ABCB11: variants seen among roughly 807,000 people sequenced by gnomAD.
ABCB11 encodes ATP binding cassette subfamily B member 11.
A neutral mutation model predicts 148.0 loss-of-function variants in ABCB11; 95 were observed. That is an observed-to-expected ratio of 0.64 (90% confidence interval 0.54 to 0.76). The LOEUF (loss-of-function observed/expected upper bound fraction) is 0.76, where lower values mean the gene tolerates loss of function less well. Ranked by LOEUF, ABCB11 falls within the 30% of genes least tolerant of loss-of-function variation. The pLI, the probability that ABCB11 is intolerant of heterozygous loss-of-function variation, is 0.00. For synonymous variants in ABCB11, 591 were observed against 555.4 expected, an observed-to-expected ratio of 1.06 and a Z score of -0.90; for missense variants, 1,523 against 1,617.8, an observed-to-expected ratio of 0.94 and a Z score of 1.01.
intron 3 of ABCB11, among the ~76,000 whole-genome samples, chr2:169,015,479 T>C (rs1695325610): frequency 6.6e-6 from 1 of 152,140 alleles, no homozygotes; most frequent in Non-Finnish European, 1.5e-5. Flanking sequence ...CCCACTTGCC[T>C]GGCCTCTTGC....
At chr2:168,931,703 T>C (rs926213972) in intron 24 of ABCB11, among the ~76,000 whole-genome samples, 2 of 152,206 alleles carry the variant, frequency 1.3e-5, no homozygotes, top group African/African-American at 4.8e-5. Flanking sequence ...GTTAGGTAGA[T>C]CTCAGAGGAC....
At chr2:168,989,210 C>T (rs1694431626) in intron 9 of ABCB11, among the ~76,000 whole-genome samples, 1 of 152,102 alleles carries the variant, frequency 6.6e-6, no homozygotes, top group East Asian at 1.9e-4. Context: ...AGACCAATGT[C>T]ATAGAGCTTC....
In ABCB11 at chr2:168,923,268, A is replaced by G. The variant is rs1691152030; in HGVS notation, c.*354T>C. The G allele has an allele frequency of 6.3e-6, 2 of 319,896 alleles. No individual in the cohort carries two copies. Among genetic ancestry groups the G allele is most frequent in the South Asian group, 9.8e-5 (2 of 20,434 alleles). 19.8% of individuals were successfully genotyped at this position (319,896 alleles called of 1,614,324 possible). On this transcript the variant is annotated 3_prime_UTR_variant, in exon 28 of 28. Transcript: ENST00000650372. ...ACAGTTCTCTGCCCTTGAGGAGTTCAAAGTGTCACTTACTCCCTGATGTCT... is the reference window on the plus strand; with the variant it reads ...ACAGTTCTCTGCCCTTGAGGAGTTCGAAGTGTCACTTACTCCCTGATGTCT...
chr2:168,958,088 G>A lies in ABCB11; in HGVS notation c.2219C>T (p.Pro740Leu). Residue 740 changes from proline (P) to leucine (L), a missense_variant, in exon 19 of 28, where the codon CCA (proline) becomes CTA (leucine). Transcript: ENST00000650372. ...ACTGAATTTCAGAATCCTCCTAACT[G>A]GGGCAGGTTCAACTTCTTCCTGCAC... Reference protein sequence around the residue: ...IPVQEEVEPAPVRRILKFSAP... With the variant: ...IPVQEEVEPALVRRILKFSAP... The A allele has an allele frequency of 6.2e-7, 1 of 1,611,180 alleles. No homozygotes were observed. The highest frequency in any genetic ancestry group is 1.1e-5 in the South Asian group (1 of 90,982).
At chr2:168,982,448 G>GA in intron 10 of ABCB11, among the ~76,000 whole-genome samples, 1 of 152,186 alleles carries the variant, frequency 6.6e-6, no homozygotes, top group East Asian at 1.9e-4. Flanking sequence ...TCCATTATGT[G>GA]TTTATTTTTA....
intron 7 of ABCB11, among the ~76,000 whole-genome samples, chr2:168,994,778 GAACTA>G (rs1278596776): frequency 6.6e-6 from 1 of 151,904 alleles, no homozygotes; most frequent in Non-Finnish European, 1.5e-5. Context: ...AGAGAGCTTG[GAACTA>G]AACAGCAAGA....
intron 3 of ABCB11, among the ~76,000 whole-genome samples, chr2:169,015,133 G>T (rs1695313837): frequency 6.6e-6 from 1 of 151,954 alleles, no homozygotes. Flanking sequence ...TTAAGATTTT[G>T]CTTCCTTCCC....
chr2:169,009,544 C>A (rs1017594569), intron 5 of ABCB11, among the ~76,000 whole-genome samples: 1 of 126,788 alleles, frequency 7.9e-6, no homozygotes, highest in Non-Finnish European at 1.5e-5. Context: ...CACATGGACA[C>A]AGGAAGGGGA....
At chr2:168,932,981 C>T (rs1244131089) in intron 23 of ABCB11, among the ~76,000 whole-genome samples, 3 of 151,676 alleles carry the variant, frequency 2.0e-5, no homozygotes, top group Admixed American at 1.3e-4. Context: ...TGGTGGTGGT[C>T]GCCTGTGGTC....
chr2:169,028,750 C>T (rs1423965089), intron 1 of ABCB11, among the ~76,000 whole-genome samples: 2 of 152,030 alleles, frequency 1.3e-5, no homozygotes, highest in Non-Finnish European at 2.9e-5. Context: ...GGACTTGGAG[C>T]CCACACCCAC....
chr2:168,966,756 C>G (rs1200452444), intron 17 of ABCB11, among the ~76,000 whole-genome samples: 1 of 151,834 alleles, frequency 6.6e-6, no homozygotes, highest in African/African-American at 2.4e-5. Flanking sequence ...TTAACGACAA[C>G]AAGAAAAATC....
At chr2:168,918,949 A>G (rs1052028005), downstream of ABCB11, among the ~76,000 whole-genome samples, 2 of 152,120 alleles carry the variant, frequency 1.3e-5, no homozygotes, top group Non-Finnish European at 2.9e-5. Flanking sequence ...TCAATGAAAG[A>G]TATATATGTA....
chr2:169,020,824 C>T (rs778954600), intron 1 of ABCB11, among the ~76,000 whole-genome samples: 2 of 151,918 alleles, frequency 1.3e-5, no homozygotes, highest in African/African-American at 2.4e-5. Flanking sequence ...TGGTGATGGT[C>T]GCACAACTCT....
In ABCB11 at chr2:168,935,194, A is replaced by T. The variant is rs1476469096; in HGVS notation, c.3046T>A (p.Tyr1016Asn). ...CTAGATATTCCTCACCTGAACACATAGCTGAAATGGAGCCCCTCATTGGAG... is the reference window on the plus strand; with the variant it reads ...CTAGATATTCCTCACCTGAACACATTGCTGAAATGGAGCCCCTCATTGGAG... ...LISNEGLHFS[Y>N]VFRVISAVVL... Residue 1016 changes from tyrosine (Y) to asparagine (N), a missense_variant, in exon 23 of 28, where the codon TAT becomes AAT. Transcript: ENST00000650372. 6.2e-7 allele frequency: 1 copy of T among 1,614,028 alleles called. No individual in the cohort carries two copies. The highest frequency in any genetic ancestry group is 1.7e-5 in the Admixed American group (1 of 60,012).
At chr2:168,940,018 G>T (rs1368717172) in intron 21 of ABCB11, among the ~76,000 whole-genome samples, 1 of 151,936 alleles carries the variant, frequency 6.6e-6, no homozygotes, top group Non-Finnish European at 1.5e-5. Context: ...TCCACTGACT[G>T]GTCATTCTGT....
intron 7 of ABCB11, among the ~76,000 whole-genome samples, chr2:168,994,886 C>A (rs10208831): frequency 6.6e-6 from 1 of 151,718 alleles, no homozygotes; most frequent in South Asian, 2.1e-4. Context: ...GAGTAAGTGC[C>A]GGAAGTCAGG....
intron 21 of ABCB11, among the ~76,000 whole-genome samples, chr2:168,938,673 T>C (rs1478269948): frequency 6.6e-6 from 1 of 152,192 alleles, no homozygotes; most frequent in African/African-American, 2.4e-5. Flanking sequence ...GTTAAAGTAG[T>C]AAATTTTGTG....
chr2:168,944,807 G>T, intron 20 of ABCB11, 41 bp from the exon 21 acceptor site: 1 of 1,604,160 alleles, frequency 6.2e-7, no homozygotes, highest in Non-Finnish European at 8.5e-7. Flanking sequence ...ATTTTAATGA[G>T]AAAAAAGGAA....
chr2:168,932,575 G>A, intron 23 of ABCB11, 42 bp from the exon 24 acceptor site: 1 of 1,601,300 alleles, frequency 6.2e-7, no homozygotes. Context: ...AGGGTGGCGT[G>A]GTTGGTGTGA....
Sources: gnomAD v4.1 joint callset for allele counts (sites outside exome capture counted in the v4.1 genomes callset) on GRCh38, gnomAD v4.1.1 for gene constraint, MANE v1.5 for transcripts, NCBI Gene and HGNC (gene_info 2026-07-23, HGNC 2026-07-21) for gene names.